Variants in NTAQ1 observed in about 807,000 individuals in gnomAD.
NTAQ1 encodes the protein N-terminal glutamine amidase 1, also known as protein N-terminal glutamine amidohydrolase.
Under a neutral mutation model 28.2 loss-of-function variants are expected in NTAQ1, and 21 were observed. The ratio of observed to expected loss-of-function variants is 0.74; its 90% CI spans 0.53 to 1.07. The LOEUF (loss-of-function observed/expected upper bound fraction) is 1.07. Ranked by LOEUF, NTAQ1 falls within the 50% of genes least tolerant of loss-of-function variation. The probability of loss-of-function intolerance (pLI) is 0.00; values close to 1 mark genes in which losing one functional copy is unlikely to be tolerated. For synonymous variants in NTAQ1, 105 were observed against 90.0 expected, an observed-to-expected ratio of 1.17 and a Z score of -0.94; for missense variants, 264 against 256.6, an observed-to-expected ratio of 1.03 and a Z score of -0.20.
chr8:123,419,081 G>T lies in NTAQ1; in HGVS notation c.83+2149G>T, dbSNP rs1252971359. ...TACTTTGGCTCCTGCAGCTTTGGGG[G>T]TTTTTTTTTTTTTTTTTTTTTTTTT... On this transcript the variant is annotated intron_variant, in intron 1 of 5. Coordinates refer to ENST00000287387, the MANE Select transcript of NTAQ1 (RefSeq NM_018024.3). Among the ~76,000 whole-genome samples the T allele has an allele frequency of 5.8e-3, 697 of 119,814 alleles. 13 individuals carry two copies. The highest frequency in any genetic ancestry group is 0.014 in the Middle Eastern group (3 of 208). 78.6% of individuals were successfully genotyped at this position (119,814 alleles called of 152,430 possible). A position where few individuals can be genotyped will look rare whatever the true frequency, so the allele number is the denominator to read the frequency against.
At chr8:123,422,606 G>GTTTT (rs112284256) in intron 1 of NTAQ1, among the ~76,000 whole-genome samples, 36 of 134,420 alleles carry the variant, frequency 2.7e-4, no homozygotes, top group African/African-American at 9.7e-4. Flanking sequence ...TCCATTGATA[G>GTTTT]TTTTTTTTTT....
chr8:123,421,158 A>C (rs1280133096), intron 1 of NTAQ1, among the ~76,000 whole-genome samples: 1 of 151,700 alleles, frequency 6.6e-6, no homozygotes, highest in Non-Finnish European at 1.5e-5. Flanking sequence ...ATCATGGCTC[A>C]CTGCAGCCTC....
At position 123,441,539 on chromosome 8, in the gene NTAQ1, T is replaced by C; in HGVS notation, c.*124T>C. ...ATTATGTCTTTCTCTTTTAATTTGA[T>C]TGAGTGGAAATCTGAGTGAATACAA... On this transcript the variant is annotated 3_prime_UTR_variant, in exon 6 of 6. Coordinates refer to ENST00000287387, the MANE Select transcript of NTAQ1 (RefSeq NM_018024.3). 3 of 787,930 alleles carry C rather than the reference T, an allele frequency of 3.8e-6. No individual in the cohort carries two copies. Among genetic ancestry groups the C allele is most frequent in the Non-Finnish European group, 6.2e-6 (3 of 483,224 alleles). The allele number at this position is 787,930 out of a possible 1,614,324, so 48.8% of individuals were successfully genotyped here. A position where few individuals can be genotyped will look rare whatever the true frequency, so the allele number is the denominator to read the frequency against.
In NTAQ1 at chr8:123,436,907, G is replaced by C. The variant is rs761908229; in HGVS notation, c.384-303G>C. The stretch of plus-strand genomic sequence containing the variant: ...TTTTGTTTTTGTGGGGATACCTCGT[G>C]CTGTCACCATTGAGAGGGCTGTGAG... On this transcript the variant is annotated intron_variant, in intron 4 of 5. Coordinates refer to ENST00000287387, the MANE Select transcript of NTAQ1 (RefSeq NM_018024.3). 1.9e-4 allele frequency among the ~76,000 whole-genome samples: 29 copies of C among 152,114 alleles called. 1 individual carries two copies. Among genetic ancestry groups the C allele is most frequent in the Admixed American group, 1.3e-4 (2 of 15,264 alleles).
intron 4 of NTAQ1, 40 bp downstream of exon 4, chr8:123,436,641 A>G (rs1814733384): frequency 6.3e-7 from 1 of 1,590,258 alleles, no homozygotes. Flanking sequence ...TTTCTGAAGT[A>G]AGAATTTGAC....
intron 1 of NTAQ1, among the ~76,000 whole-genome samples, chr8:123,422,978 G>A (rs1304708227): frequency 6.6e-6 from 1 of 151,962 alleles, no homozygotes; most frequent in Non-Finnish European, 1.5e-5. Context: ...TTTATTTCTG[G>A]GTTCTCTAAC....
chr8:123,462,907 C>G (rs931884339), intron 6 of NTAQ1, among the ~76,000 whole-genome samples: 16 of 152,218 alleles, frequency 1.1e-4, no homozygotes, highest in Non-Finnish European at 2.9e-5. Context: ...AAAAGTCTGA[C>G]ACTTTGATCA....
chr8:123,434,354 C>T (rs1483969100), intron 3 of NTAQ1, among the ~76,000 whole-genome samples: 3 of 152,150 alleles, frequency 2.0e-5, no homozygotes, highest in African/African-American at 7.2e-5. Context: ...GGACTGGGCA[C>T]AGTGGCTCAC....
rs1174471435 is a variant in NTAQ1 at position 123,441,462 on chromosome 8, C to T, written c.*47C>T. On this transcript the variant is annotated 3_prime_UTR_variant, in exon 6 of 6. Coordinates refer to ENST00000287387, the MANE Select transcript of NTAQ1 (RefSeq NM_018024.3). ...CTGTGGAGAAATTCTAGGACATGAA[C>T]AAGCTATCCTTTCATCGAGGACAGC... The T allele has an allele frequency of 4.9e-6, 7 of 1,440,858 alleles. No homozygotes were observed. Among genetic ancestry groups the T allele is most frequent in the Non-Finnish European group, 6.8e-6 (7 of 1,034,442 alleles). 89.3% of individuals were successfully genotyped at this position (1,440,858 alleles called of 1,614,324 possible).
intron 2 of NTAQ1, among the ~76,000 whole-genome samples, chr8:123,429,713 A>G (rs1814276704): frequency 5.9e-5 from 9 of 151,874 alleles, no homozygotes; most frequent in Admixed American, 5.9e-4. Flanking sequence ...CCCTTCATCA[A>G]AAAATAAAAA....
At chr8:123,446,119 G>T (rs1371789164), downstream of NTAQ1, among the ~76,000 whole-genome samples, 1 of 151,964 alleles carries the variant, frequency 6.6e-6, no homozygotes, top group Non-Finnish European at 1.5e-5. Flanking sequence ...TCAGCCTCCT[G>T]AGTAGCTGGG....
At chr8:123,440,419 G>A (rs1016716410) in intron 5 of NTAQ1, among the ~76,000 whole-genome samples, 8 of 149,370 alleles carry the variant, frequency 5.4e-5, no homozygotes, top group African/African-American at 1.7e-4. Context: ...GCTTCCCAAA[G>A]TGCTGGGATT....
chr8:123,442,595 A>AG (rs1438028827), downstream of NTAQ1, among the ~76,000 whole-genome samples: 2 of 77,716 alleles, frequency 2.6e-5, no homozygotes, highest in African/African-American at 1.1e-4. Flanking sequence ...ACTCCATCTC[A>AG]GAAAAAAAAA....
downstream of NTAQ1, among the ~76,000 whole-genome samples, chr8:123,451,146 C>T (rs1378209606): frequency 6.6e-6 from 1 of 152,160 alleles, no homozygotes; most frequent in Non-Finnish European, 1.5e-5. Flanking sequence ...CCTGATCTGA[C>T]CCTTTTTTTC....
At chr8:123,429,157 TGAA>T (rs1006708795) in intron 2 of NTAQ1, among the ~76,000 whole-genome samples, 5 of 152,142 alleles carry the variant, frequency 3.3e-5, no homozygotes, top group African/African-American at 1.2e-4. Context: ...ATTTTATAGA[TGAA>T]GAGATTAAGA....
At chr8:123,464,720 G>A (rs1230534241) in intron 6 of NTAQ1, among the ~76,000 whole-genome samples, 1 of 152,196 alleles carries the variant, frequency 6.6e-6, no homozygotes, top group Non-Finnish European at 1.5e-5. Context: ...GGTTTGTTGG[G>A]GCAAGAGATG....
intron 1 of NTAQ1, among the ~76,000 whole-genome samples, chr8:123,423,833 C>T (rs1813872384): frequency 6.6e-6 from 1 of 151,792 alleles, no homozygotes; most frequent in Non-Finnish European, 1.5e-5. Context: ...ACCAGTGGTG[C>T]TTGTGGTATC....
At chr8:123,425,546 T>A (rs1477459647) in intron 1 of NTAQ1, among the ~76,000 whole-genome samples, 1 of 150,580 alleles carries the variant, frequency 6.6e-6, no homozygotes, top group Non-Finnish European at 1.5e-5. Context: ...AGGAAAACCA[T>A]GGGAGAAAAA....
chr8:123,433,681 CAT>C (rs1814528051), intron 3 of NTAQ1, among the ~76,000 whole-genome samples: 1 of 152,112 alleles, frequency 6.6e-6, no homozygotes, highest in African/African-American at 2.4e-5. Flanking sequence ...CTCCTGACCT[CAT>C]GTGATCCACC....
Sources: allele counts gnomAD v4.1 joint callset (sites outside exome capture counted in the v4.1 genomes callset), GRCh38; gene constraint gnomAD v4.1.1; transcripts MANE v1.5; gene names NCBI Gene and HGNC (gene_info 2026-07-23, HGNC 2026-07-21).